KLHL1: variants seen among roughly 807,000 people sequenced by gnomAD.
The protein encoded by KLHL1 is kelch like family member 1, also known as kelch-like protein 1.
A neutral mutation model predicts 77.7 loss-of-function variants in KLHL1; 47 were observed. The observed-to-expected ratio is 0.60, with a 90% CI of 0.48 to 0.77. The LOEUF (loss-of-function observed/expected upper bound fraction) is 0.77, where lower values mean the gene tolerates loss of function less well. KLHL1 is among the 30% of genes least tolerant of loss of function. The pLI, the probability that KLHL1 is intolerant of heterozygous loss-of-function variation, is 0.00. For synonymous variants in KLHL1, 360 were observed against 325.2 expected (o/e 1.11, Z -1.15); for missense variants, 925 against 910.8 (o/e 1.02, Z -0.20).
chr13:69,919,819 A>G (rs1434660416), intron 4 of KLHL1, among the ~76,000 whole-genome samples: 1 of 152,192 alleles, frequency 6.6e-6, no homozygotes, highest in East Asian at 1.9e-4. Flanking sequence ...AAAAAATAAA[A>G]ATAAAAAAGG....
chr13:70,090,029 A>T (rs1887635823), intron 1 of KLHL1, among the ~76,000 whole-genome samples: 1 of 152,140 alleles, frequency 6.6e-6, no homozygotes, highest in Non-Finnish European at 1.5e-5. Flanking sequence ...TTTAATCAAT[A>T]GTATTGATAA....
intron 4 of KLHL1, among the ~76,000 whole-genome samples, chr13:69,911,062 A>G (rs79336071): frequency 0.093 from 14,221 of 152,152 alleles, 927 homozygotes; most frequent in Non-Finnish European, 0.14. Flanking sequence ...CAGAAGGTAC[A>G]CTAGACAACT....
At chr13:69,731,759 G>A (rs1873551387) in intron 8 of KLHL1, among the ~76,000 whole-genome samples, 1 of 151,816 alleles carries the variant, frequency 6.6e-6, no homozygotes, top group Admixed American at 6.6e-5. Flanking sequence ...AATGGATATT[G>A]ACACTAAGGA....
intron 5 of KLHL1, among the ~76,000 whole-genome samples, chr13:69,871,544 T>C (rs189773514): frequency 1.2e-4 from 19 of 152,252 alleles, no homozygotes; most frequent in Middle Eastern, 3.4e-3. Flanking sequence ...GTTTCCCTTT[T>C]TACTATAAAT....
intron 1 of KLHL1, among the ~76,000 whole-genome samples, chr13:70,033,963 G>A (rs1018858249): frequency 7.2e-5 from 11 of 151,910 alleles, no homozygotes; most frequent in African/African-American, 2.4e-4. Context: ...TAATACGGAC[G>A]AAATATAAAA....
At chr13:69,763,020 A>G (rs1232317379) in intron 7 of KLHL1, among the ~76,000 whole-genome samples, 2 of 152,060 alleles carry the variant, frequency 1.3e-5, no homozygotes, top group Non-Finnish European at 2.9e-5. Flanking sequence ...GCCAGGAAAC[A>G]TTTACTCTTC....
At chr13:69,714,551 CA>C (rs531953506) in intron 9 of KLHL1, among the ~76,000 whole-genome samples, 31 of 151,938 alleles carry the variant, frequency 2.0e-4, no homozygotes, top group Non-Finnish European at 4.0e-4. Flanking sequence ...CCATAATTAG[CA>C]CTATAAATCC....
chr13:69,703,997 G>T (rs1309006746), intron 10 of KLHL1, among the ~76,000 whole-genome samples: 1 of 151,526 alleles, frequency 6.6e-6, no homozygotes, highest in Non-Finnish European at 1.5e-5. Flanking sequence ...AATGGAAATG[G>T]GATTATATTG....
At chr13:69,748,245 G>A (rs760132378) in intron 7 of KLHL1, among the ~76,000 whole-genome samples, 5 of 151,934 alleles carry the variant, frequency 3.3e-5, no homozygotes, top group Admixed American at 1.3e-4. Flanking sequence ...CACTGTTGCC[G>A]CTTGTATCAG....
chr13:70,040,056 A>C (rs2137378161), intron 1 of KLHL1, among the ~76,000 whole-genome samples: 1 of 152,292 alleles, frequency 6.6e-6, no homozygotes, highest in Non-Finnish European at 1.5e-5. Flanking sequence ...CACCAGTTGT[A>C]ATGAAATGTC....
At chr13:70,013,480 G>A (rs1566498432) in intron 1 of KLHL1, among the ~76,000 whole-genome samples, 3 of 152,196 alleles carry the variant, frequency 2.0e-5, no homozygotes, top group African/African-American at 7.2e-5. Context: ...AGGTGATAGT[G>A]TAACAGTAGG....
At chr13:70,036,361 A>G (rs1423661631) in intron 1 of KLHL1, among the ~76,000 whole-genome samples, 1 of 152,026 alleles carries the variant, frequency 6.6e-6, no homozygotes, top group African/African-American at 2.4e-5. Context: ...ATATGAAGAA[A>G]ATCAGTATAT....
At chr13:70,082,754 T>A (rs76575305) in intron 1 of KLHL1, among the ~76,000 whole-genome samples, 29,912 of 151,978 alleles carry the variant, frequency 0.2, 3,546 homozygotes, top group African/African-American at 0.34. Flanking sequence ...AATAAAGAAA[T>A]TGTGGTACAT....
intron 6 of KLHL1, 49 bp downstream of exon 6, chr13:69,838,927 A>G: frequency 8.0e-7 from 1 of 1,251,210 alleles, no homozygotes; most frequent in Non-Finnish European, 1.1e-6. Context: ...AAAAGCTGCA[A>G]CACGGTATAA....
intron 1 of KLHL1, among the ~76,000 whole-genome samples, chr13:70,101,792 G>A (rs1887928745): frequency 1.3e-5 from 2 of 152,176 alleles, no homozygotes; most frequent in South Asian, 2.1e-4. Context: ...AGAGAAGGGT[G>A]CCTAGATATT....
chr13:69,880,556 G>C (rs1880949682), intron 5 of KLHL1, among the ~76,000 whole-genome samples: 1 of 152,040 alleles, frequency 6.6e-6, no homozygotes, highest in African/African-American at 2.4e-5. Flanking sequence ...CACTAAGCAA[G>C]ATAAAGCACC....
intron 1 of KLHL1, among the ~76,000 whole-genome samples, chr13:70,017,832 G>A (rs1327426840): frequency 6.6e-6 from 1 of 152,184 alleles, no homozygotes; most frequent in Admixed American, 6.5e-5. Context: ...AAACCTTGGA[G>A]TTCTTGCTGG....
chr13:69,863,940 ATTAG>A (rs201921341), intron 5 of KLHL1, among the ~76,000 whole-genome samples: 1,556 of 152,136 alleles, frequency 0.01, 31 homozygotes, highest in African/African-American at 0.035. Flanking sequence ...ATAATAAGCA[ATTAG>A]TTAGTTATTA....
chr13:69,753,075 C>T (rs1347318775), intron 7 of KLHL1, among the ~76,000 whole-genome samples: 1 of 152,078 alleles, frequency 6.6e-6, no homozygotes, highest in Admixed American at 6.6e-5. Context: ...GAGATTCTTC[C>T]TGCCCAATCC....
Sources: gnomAD v4.1 joint callset for allele counts (sites outside exome capture counted in the v4.1 genomes callset) on GRCh38, gnomAD v4.1.1 for gene constraint, MANE v1.5 for transcripts, NCBI Gene and HGNC (gene_info 2026-07-23, HGNC 2026-07-21) for gene names.